ASIC2: variants seen among roughly 807,000 people sequenced by gnomAD.
The protein encoded by ASIC2 is acid sensing ion channel subunit 2, also known as acid-sensing ion channel 2.
A neutral mutation model predicts 57.3 loss-of-function variants in ASIC2; 25 were observed. The observed-to-expected ratio is 0.44, with a 90% CI of 0.32 to 0.61. The LOEUF is 0.61. ASIC2 is among the 20% of genes least tolerant of loss of function. ASIC2 has a pLI of 0.06. For missense variants in ASIC2, 641 were observed against 738.1 expected (o/e 0.87, Z 1.52); for synonymous variants, 319 against 307.5 (o/e 1.04, Z -0.39).
At chr17:33,741,309 G>C (rs924117633) in intron 1 of ASIC2, among the ~76,000 whole-genome samples, 4 of 152,192 alleles carry the variant, frequency 2.6e-5, no homozygotes, top group African/African-American at 9.7e-5. Flanking sequence ...GCATGTCACT[G>C]ACTATCTCTG....
In ASIC2 at chr17:34,089,987, C is replaced by G. The variant is rs144858377; in HGVS notation, c.555+65991G>C. Among the ~76,000 whole-genome samples the G allele has an allele frequency of 3.2e-3, 481 of 152,290 alleles. 1 individual carries two copies. The highest frequency in any genetic ancestry group is 5.0e-3 in the Non-Finnish European group (340 of 68,024). On this transcript the variant is annotated intron_variant, in intron 1 of 9. Coordinates refer to the ASIC2 transcript ENST00000359872. Reference sequence around the variant, plus strand: ...TGTTCTGAACTTACTAACCTCACACCTTGGGCCTCTGACCGGAGCCTCATC... The same window carrying G: ...TGTTCTGAACTTACTAACCTCACACGTTGGGCCTCTGACCGGAGCCTCATC...
At chr17:33,696,167 C>A (rs1282123522) in intron 1 of ASIC2, among the ~76,000 whole-genome samples, 1 of 152,176 alleles carries the variant, frequency 6.6e-6, no homozygotes, top group Non-Finnish European at 1.5e-5. Context: ...TGCTGGGTTA[C>A]AAGGAGGCAC....
chr17:33,102,642 T>C (rs2092216217), intron 2 of ASIC2, among the ~76,000 whole-genome samples: 1 of 152,206 alleles, frequency 6.6e-6, no homozygotes, highest in Non-Finnish European at 1.5e-5. Flanking sequence ...GGATGGACCC[T>C]CTGATTTTCT....
At chr17:33,233,782 A>G (rs1452063429) in intron 1 of ASIC2, among the ~76,000 whole-genome samples, 1 of 152,200 alleles carries the variant, frequency 6.6e-6, no homozygotes, top group Non-Finnish European at 1.5e-5. Context: ...TACAGAAAAC[A>G]CACACACAGA....
chr17:33,579,509 G>A (rs552470145), intron 1 of ASIC2, among the ~76,000 whole-genome samples: 3 of 152,098 alleles, frequency 2.0e-5, no homozygotes, highest in Non-Finnish European at 4.4e-5. Flanking sequence ...GCCCAGAATT[G>A]TCTCCTCCTG....
intron 1 of ASIC2, among the ~76,000 whole-genome samples, chr17:33,754,894 C>T (rs1910546699): frequency 7.3e-6 from 1 of 137,246 alleles, no homozygotes. Flanking sequence ...GGAGGCAGAG[C>T]TTGCAGTGAG....
intron 3 of ASIC2, among the ~76,000 whole-genome samples, chr17:33,056,261 C>T (rs1034739664): frequency 6.6e-5 from 10 of 152,154 alleles, no homozygotes; most frequent in African/African-American, 2.4e-4. Context: ...ACCAACACAC[C>T]CAAAGATACA....
At chr17:34,065,746 A>AAAC (rs1404692762) in intron 1 of ASIC2, among the ~76,000 whole-genome samples, 3 of 152,168 alleles carry the variant, frequency 2.0e-5, no homozygotes, top group African/African-American at 4.8e-5. Context: ...AATAAGAGGA[A>AAAC]AACAGGGGCA....
intron 1 of ASIC2, among the ~76,000 whole-genome samples, chr17:33,703,564 G>A (rs1373976945): frequency 1.3e-5 from 2 of 152,042 alleles, no homozygotes; most frequent in East Asian, 3.9e-4. Flanking sequence ...TGTTGCCCAG[G>A]CTGCTCTCAA....
At chr17:33,648,372 C>T (rs1906811656) in intron 1 of ASIC2, among the ~76,000 whole-genome samples, 1 of 152,222 alleles carries the variant, frequency 6.6e-6, no homozygotes, top group Non-Finnish European at 1.5e-5. Context: ...ACTAACACCC[C>T]CTGCCTGGGT....
intron 1 of ASIC2, among the ~76,000 whole-genome samples, chr17:33,514,274 C>T (rs34010852): frequency 6.6e-6 from 1 of 152,162 alleles, no homozygotes; most frequent in Non-Finnish European, 1.5e-5. Flanking sequence ...CTTAGCTGTG[C>T]ATGACACAGC....
chr17:33,122,837 T>C (rs968459504), intron 1 of ASIC2, among the ~76,000 whole-genome samples: 1 of 152,182 alleles, frequency 6.6e-6, no homozygotes, highest in African/African-American at 2.4e-5. Context: ...CCCCCTGCAC[T>C]GCCCCAGCCT....
intron 1 of ASIC2, among the ~76,000 whole-genome samples, chr17:33,412,898 C>A (rs1910713725): frequency 6.6e-6 from 1 of 152,156 alleles, no homozygotes; most frequent in Non-Finnish European, 1.5e-5. Flanking sequence ...TCTGGTTTAG[C>A]TAATGGCTAA....
chr17:33,113,953 C>T (rs151325135), intron 1 of ASIC2, among the ~76,000 whole-genome samples: 3 of 152,320 alleles, frequency 2.0e-5, no homozygotes, highest in East Asian at 3.9e-4. Context: ...ACATACTGCT[C>T]CTTTCTGCCT....
rs192535494 is a variant in ASIC2, at chr17:33,579,481, A to C, written c.556-467414T>G. 9.2e-5 allele frequency among the ~76,000 whole-genome samples: 14 copies of C among 152,166 alleles called. No individual in the cohort carries two copies. The East Asian group carries it at 1.2e-3, about 13-fold the overall frequency. ...GTTTATTCATTCAACATTCATTGAG[A>C]ATCACGTGCCTTACTGTGCCCAGAA... On this transcript the variant is annotated intron_variant, in intron 1 of 9. Transcript: ENST00000359872.
chr17:33,465,607 C>T (rs946701129), intron 1 of ASIC2, among the ~76,000 whole-genome samples: 25 of 152,180 alleles, frequency 1.6e-4, no homozygotes, highest in Admixed American at 2.6e-4. Flanking sequence ...CTCCTGACCT[C>T]GGGTGATCCA....
chr17:33,660,157 C>T (rs1072783), intron 1 of ASIC2, among the ~76,000 whole-genome samples: 118,536 of 151,840 alleles, frequency 0.78, 46,284 homozygotes, highest in South Asian at 0.84. Flanking sequence ...GGACTAGAAG[C>T]TGCTCTGGTT....
intron 3 of ASIC2, among the ~76,000 whole-genome samples, chr17:33,053,900 A>G (rs1249662221): frequency 6.6e-6 from 1 of 152,202 alleles, no homozygotes; most frequent in African/African-American, 2.4e-5. Flanking sequence ...TAGTGAAGCA[A>G]GCGTTTCTGA....
At chr17:34,024,495 A>G (rs1465246899) in intron 1 of ASIC2, among the ~76,000 whole-genome samples, 2 of 152,248 alleles carry the variant, frequency 1.3e-5, no homozygotes, top group Non-Finnish European at 2.9e-5. Flanking sequence ...TGTCGATAGC[A>G]TTAGCAACTT....
Sources: gnomAD v4.1 joint callset for allele counts (sites outside exome capture counted in the v4.1 genomes callset) on GRCh38, gnomAD v4.1.1 for gene constraint, MANE v1.5 for transcripts, NCBI Gene and HGNC (gene_info 2026-07-23, HGNC 2026-07-21) for gene names.